The following ST7 variants were observed in gnomAD, a reference collection of about 807,000 sequenced individuals.
The protein encoded by ST7 is suppressor of tumorigenicity 7 protein.
Under a neutral mutation model 78.7 loss-of-function variants are expected in ST7, and 28 were observed. The ratio of observed to expected loss-of-function variants is 0.36; its 90% CI spans 0.26 to 0.49. The LOEUF (loss-of-function observed/expected upper bound fraction) is 0.49, where lower values mean the gene tolerates loss of function less well. Among genes scored for constraint, ST7 ranks in the 20% least tolerant of loss-of-function variants. ST7 has a pLI of 0.99. For synonymous variants in ST7, 247 were observed against 249.6 expected (o/e 0.99, Z 0.10); for missense variants, 418 against 696.0 (o/e 0.60, Z 4.49).
chr7:117,009,257 G>GTTTTT (rs1171249318), intron 1 of ST7, among the ~76,000 whole-genome samples: 5 of 18,460 alleles, frequency 2.7e-4, no homozygotes, highest in Admixed American at 6.5e-4. Flanking sequence ...CTTTTTTTTT[G>GTTTTT]TTTTTTTTTT....
chr7:117,193,995 GACATAAGGAGTAGGGAGGA>G (rs562301677), intron 12 of ST7, among the ~76,000 whole-genome samples: 1 of 152,276 alleles, frequency 6.6e-6, no homozygotes, highest in East Asian at 1.9e-4. Flanking sequence ...TTCACTTGCA[GACATAAGGAGTAGGGAGGA>G]AGTGTTGCTC....
At chr7:117,144,011 A>G (rs1805546886) in intron 9 of ST7, among the ~76,000 whole-genome samples, 2 of 152,224 alleles carry the variant, frequency 1.3e-5, no homozygotes, top group African/African-American at 4.8e-5. Flanking sequence ...GATATTTACC[A>G]TTTTAGAAAA....
chr7:116,977,615 G>A (rs1379127903), intron 1 of ST7, among the ~76,000 whole-genome samples: 3 of 152,166 alleles, frequency 2.0e-5, no homozygotes, highest in South Asian at 4.1e-4. Context: ...GCAGTGGCAC[G>A]ATCTTGGCTC....
chr7:117,208,461 AG>A (rs1318600609), intron 12 of ST7, among the ~76,000 whole-genome samples: 1 of 152,014 alleles, frequency 6.6e-6, no homozygotes, highest in Non-Finnish European at 1.5e-5. Flanking sequence ...AGAAGCTTGG[AG>A]GTTTCTTCAA....
At position 117,066,807 on chromosome 7, in the gene ST7, A is replaced by C. The variant is rs78411367; in HGVS notation, c.152-32955A>C. Among the ~76,000 whole-genome samples, 45 of 148,128 alleles carry C rather than the reference A, an allele frequency of 3.0e-4. No individual in the cohort carries two copies. The East Asian group carries it at 8.3e-3, about 27-fold the overall frequency. ...AAAAAAGTGGGATTCAGTGGTTTTT[A>C]GTATGTTCACAGAGTTGTGCAACCA... is the stretch of plus-strand genomic sequence containing the variant. On this transcript the variant is annotated intron_variant, in intron 1 of 15. Transcript: ENST00000323984.
At chr7:117,012,123 A>G (rs1795409921) in intron 1 of ST7, among the ~76,000 whole-genome samples, 1 of 152,226 alleles carries the variant, frequency 6.6e-6, no homozygotes, top group African/African-American at 2.4e-5. Context: ...TTAAGCTATC[A>G]CAATGACTAA....
chr7:117,210,999 C>A (rs990293508), intron 13 of ST7, among the ~76,000 whole-genome samples: 1 of 152,168 alleles, frequency 6.6e-6, no homozygotes. Context: ...ATCTTTACTG[C>A]TTCCATTTTC....
chr7:117,180,438 T>G (rs1358664964), intron 10 of ST7, among the ~76,000 whole-genome samples: 1 of 152,210 alleles, frequency 6.6e-6, no homozygotes, highest in African/African-American at 2.4e-5. Context: ...CCTGCCTTGT[T>G]GATACTTCAG....
intron 2 of ST7, among the ~76,000 whole-genome samples, chr7:117,108,339 A>G (rs1402054014): frequency 2.6e-5 from 4 of 152,118 alleles, no homozygotes; most frequent in Non-Finnish European, 5.9e-5. Flanking sequence ...CCATTTGTTG[A>G]ATAGGGTGTC....
chr7:117,059,710 C>G (rs568086851), intron 1 of ST7, among the ~76,000 whole-genome samples: 2 of 150,530 alleles, frequency 1.3e-5, no homozygotes, highest in Admixed American at 1.3e-4. Context: ...GTGGCTTTTG[C>G]CTGTAATCCC....
At chr7:117,092,403 C>A (rs979925077) in intron 1 of ST7, among the ~76,000 whole-genome samples, 1 of 149,754 alleles carries the variant, frequency 6.7e-6, no homozygotes, top group Admixed American at 6.6e-5. Flanking sequence ...GTCACAGGGT[C>A]ATTCTGAGGA....
intron 9 of ST7, among the ~76,000 whole-genome samples, chr7:117,157,301 C>T (rs1164852972): frequency 2.6e-5 from 4 of 152,158 alleles, no homozygotes; most frequent in Non-Finnish European, 2.9e-5. Context: ...AACTCAACAG[C>T]TGCAAAAGAA....
intron 9 of ST7, among the ~76,000 whole-genome samples, chr7:117,155,684 T>C (rs1046540645): frequency 6.6e-6 from 1 of 152,242 alleles, no homozygotes; most frequent in African/African-American, 2.4e-5. Context: ...TTTCTGCTTC[T>C]ACTCTTAATT....
At chr7:117,149,355 G>C (rs755210239) in intron 9 of ST7, among the ~76,000 whole-genome samples, 3 of 152,046 alleles carry the variant, frequency 2.0e-5, no homozygotes, top group Non-Finnish European at 4.4e-5. Flanking sequence ...TTTAAATCAG[G>C]TGGGCTGTCC....
chr7:117,209,343 T>A (rs1034348348), intron 12 of ST7, among the ~76,000 whole-genome samples: 1 of 152,206 alleles, frequency 6.6e-6, no homozygotes, highest in African/African-American at 2.4e-5. Flanking sequence ...TTTTTCTCCT[T>A]GATACATGTG....
At chr7:116,964,626 G>A (rs1463581284) in intron 1 of ST7, among the ~76,000 whole-genome samples, 1 of 152,174 alleles carries the variant, frequency 6.6e-6, no homozygotes, top group Non-Finnish European at 1.5e-5. Context: ...CTCAGAGTTG[G>A]CGTGGTTTAG....
chr7:116,966,632 TTAGTATTGACTA>T (rs1793133005), intron 1 of ST7, among the ~76,000 whole-genome samples: 1 of 152,242 alleles, frequency 6.6e-6, no homozygotes, highest in African/African-American at 2.4e-5. Context: ...AAATCTCTTT[TTAGTATTGACTA>T]GTCACCCAGA....
chr7:116,975,910 C>T (rs2116289430), intron 1 of ST7, among the ~76,000 whole-genome samples: 1 of 152,162 alleles, frequency 6.6e-6, no homozygotes, highest in South Asian at 2.1e-4. Flanking sequence ...CTGGGTATTG[C>T]CAGATTCCTT....
At chr7:117,103,746 T>C (rs80021110) in intron 2 of ST7, among the ~76,000 whole-genome samples, 2,378 of 152,118 alleles carry the variant, frequency 0.016, 48 homozygotes, top group East Asian at 0.049. Context: ...AATAGACAAA[T>C]GGGATTATAT....
Sources: allele counts gnomAD v4.1 joint callset (sites outside exome capture counted in the v4.1 genomes callset), GRCh38; gene constraint gnomAD v4.1.1; transcripts MANE v1.5; gene names NCBI Gene and HGNC (gene_info 2026-07-23, HGNC 2026-07-21).